The following KNOP1 variants were observed in gnomAD, a reference collection of about 807,000 sequenced individuals.
The protein encoded by KNOP1 is lysine-rich nucleolar protein 1.
A neutral mutation model predicts 30.6 loss-of-function variants in KNOP1; 20 were observed. The observed-to-expected ratio is 0.65, with a 90% CI of 0.46 to 0.95. The LOEUF is 0.95. Among genes scored for constraint, KNOP1 ranks in the 40% least tolerant of loss-of-function variants. The probability of loss-of-function intolerance (pLI) is 0.00; values close to 1 mark genes in which losing one functional copy is unlikely to be tolerated. For missense variants in KNOP1, 540 were observed against 562.0 expected, an observed-to-expected ratio of 0.96 and a Z score of 0.40; for synonymous variants, 204 against 210.0, an observed-to-expected ratio of 0.97 and a Z score of 0.25.
Position 19,711,546 on chromosome 16 carries a change from G to A in KNOP1, c.919-106C>T, listed in dbSNP as rs545602613. On this transcript the variant is annotated intron_variant, in intron 2 of 4. Coordinates refer to ENST00000219837, the MANE Select transcript of KNOP1 (RefSeq NM_001012991.3). ...ATGACAAAGTCCAGAAAAGACCTCAGACCACGGCATCACCCCCAGCCCTGC... is the reference window on the plus strand; with the variant it reads ...ATGACAAAGTCCAGAAAAGACCTCAAACCACGGCATCACCCCCAGCCCTGC... 8.6e-6 allele frequency: 9 copies of A among 1,042,564 alleles called. No individual in the cohort carries two copies. In the Admixed American group the frequency reaches 1.1e-4, roughly 12 times the overall value. The allele number at this position is 1,042,564 out of a possible 1,614,324, so 64.6% of individuals were successfully genotyped here.
chr16:19,710,380 C>T lies in KNOP1; in HGVS notation c.1065+129G>A, dbSNP rs1051835010. On this transcript the variant is annotated intron_variant, in intron 4 of 4. Coordinates refer to ENST00000219837, the MANE Select transcript of KNOP1 (RefSeq NM_001012991.3). ...ATTCTGCTGTGGAGGGAGCCTGCTG[C>T]AGGCTAGGGCTGCCTCTGGGGCCTG... 7.9e-6 allele frequency: 7 copies of T among 881,286 alleles called. No homozygotes were observed. The African/African-American group carries it at 1.1e-4, about 14-fold the overall frequency. The allele number at this position is 881,286 out of a possible 1,614,324, so 54.6% of individuals were successfully genotyped here. A position where few individuals can be genotyped will look rare whatever the true frequency, so the allele number is the denominator to read the frequency against.
At chr16:19,711,316 G>A (rs1474892451) in intron 3 of KNOP1, 56 bp downstream of exon 3, 7 of 1,561,908 alleles carry the variant, frequency 4.5e-6, no homozygotes, top group Non-Finnish European at 6.2e-6. Flanking sequence ...CAGCAAGTGA[G>A]ACTCCAAGGG....
At chr16:19,708,377 G>A (rs1976531095) in intron 4 of KNOP1, among the ~76,000 whole-genome samples, 1 of 152,124 alleles carries the variant, frequency 6.6e-6, no homozygotes. Flanking sequence ...CAAGAAGACT[G>A]TGACTCGGAA....
At chr16:19,708,846 T>C (rs533383791) in intron 4 of KNOP1, among the ~76,000 whole-genome samples, 21 of 152,206 alleles carry the variant, frequency 1.4e-4, no homozygotes, top group African/African-American at 5.1e-4. Context: ...ACATGGGTTT[T>C]GGGGAGAGCA....
In KNOP1 at chr16:19,714,640, G is replaced by C. The variant is rs766441939; in HGVS notation, c.396C>G (p.Ser132=). 3.1e-6 allele frequency: 5 copies of C among 1,614,066 alleles called. No individual in the cohort carries two copies. In the Admixed American group the frequency reaches 6.7e-5, roughly 22 times the overall value. ...CCTCCTCACCCTGTCTAGGGTCTGGGGAGGTTTTCACCCCAGAGGCATGGG... is the reference window on the plus strand; with the variant it reads ...CCTCCTCACCCTGTCTAGGGTCTGGCGAGGTTTTCACCCCAGAGGCATGGG... The part of the protein sequence containing the change: ...AMSHASGVKT[S]PDPRQGEEET... The change falls in exon 2 of 5, where the codon TCC becomes TCG. Residue 132 remains serine, a synonymous_variant. Coordinates refer to ENST00000219837, the MANE Select transcript of KNOP1 (RefSeq NM_001012991.3).
intron 3 of KNOP1, 148 bp from the exon 4 acceptor site, chr16:19,710,734 A>G (rs769751763): frequency 1.6e-4 from 111 of 675,912 alleles, no homozygotes; most frequent in Non-Finnish European, 2.7e-4. Context: ...AGCTGCTATC[A>G]TAAGTATTCT....
At chr16:19,717,859 G>A in intron 1 of KNOP1, 3 of 1,052,718 alleles carry the variant, frequency 2.8e-6, no homozygotes, top group Non-Finnish European at 3.4e-6. Flanking sequence ...CCCCCGGCAG[G>A]ATCACCAGCA....
rs767894674 is a variant in KNOP1 at position 19,714,643 on chromosome 16, G to A, written c.393C>T (p.Thr131=). The A allele has an allele frequency of 2.0e-5, 33 of 1,613,970 alleles. No homozygotes were observed. The Admixed American group carries it at 3.2e-4, about 15-fold the overall frequency. ...LAMSHASGVK[T]SPDPRQGEEE... Reference sequence around the variant, plus strand: ...CCTCACCCTGTCTAGGGTCTGGGGAGGTTTTCACCCCAGAGGCATGGGACA... The same window carrying A: ...CCTCACCCTGTCTAGGGTCTGGGGAAGTTTTCACCCCAGAGGCATGGGACA... The change falls in exon 2 of 5, where the codon ACC becomes ACT. Residue 131 remains threonine, a synonymous_variant. Coordinates refer to ENST00000219837, the MANE Select transcript of KNOP1 (RefSeq NM_001012991.3).
In KNOP1 at chr16:19,706,635, C is replaced by T; in HGVS notation, c.*275G>A. On this transcript the variant is annotated 3_prime_UTR_variant, in exon 5 of 5. Transcript: ENST00000219837. ...AAATATGAGCTGCCCTGCCCCAGTTCATCCAAGCCCATCAATATAGTTGTC... is the reference window on the plus strand; with the variant it reads ...AAATATGAGCTGCCCTGCCCCAGTTTATCCAAGCCCATCAATATAGTTGTC... 2 of 402,966 alleles carry T rather than the reference C, an allele frequency of 5.0e-6. No individual in the cohort carries two copies. Among genetic ancestry groups the T allele is most frequent in the South Asian group, 5.7e-5 (2 of 35,344 alleles). The allele number at this position is 402,966 out of a possible 1,614,324, so 25.0% of individuals were successfully genotyped here. A position where few individuals can be genotyped will look rare whatever the true frequency, so the allele number is the denominator to read the frequency against.
At chr16:19,716,143 G>A (rs1250988136) in intron 1 of KNOP1, among the ~76,000 whole-genome samples, 1 of 152,144 alleles carries the variant, frequency 6.6e-6, no homozygotes, top group Non-Finnish European at 1.5e-5. Flanking sequence ...GAGAGTCAAG[G>A]GAATAACTAT....
At chr16:19,713,454 C>T (rs1363872029) in intron 2 of KNOP1, among the ~76,000 whole-genome samples, 3 of 152,140 alleles carry the variant, frequency 2.0e-5, no homozygotes, top group Admixed American at 2.0e-4. Flanking sequence ...GCGATAGTGG[C>T]CCTGAGACTT....
intron 4 of KNOP1, among the ~76,000 whole-genome samples, chr16:19,709,703 CT>C (rs869232742): frequency 3.7e-5 from 5 of 135,086 alleles, no homozygotes; most frequent in South Asian, 2.1e-4. Context: ...GCTCTTCCCC[CT>C]GTCTCCTGAG....
chr16:19,707,278 C>A, intron 4 of KNOP1, 57 bp from the exon 5 acceptor site: 1 of 1,468,326 alleles, frequency 6.8e-7, no homozygotes, highest in African/African-American at 1.4e-5. Context: ...CTTTCCTTCC[C>A]TTGACCCCCA....
chr16:19,709,082 C>T (rs547242341), intron 4 of KNOP1, among the ~76,000 whole-genome samples: 3 of 152,220 alleles, frequency 2.0e-5, no homozygotes, highest in South Asian at 2.1e-4. Flanking sequence ...CCCATCAGCT[C>T]GGCTCAGCTC....
rs576761023 is a variant in KNOP1 at position 19,716,975 on chromosome 16, C to T, written c.-3+1183G>A. ...TTCACGCCTCAGCCTCCCGAGTAGC[C>T]GGGATTACAGGCACATACCACCACG... On this transcript the variant is annotated intron_variant, in intron 1 of 4. Coordinates refer to ENST00000219837, the MANE Select transcript of KNOP1 (RefSeq NM_001012991.3). Among the ~76,000 whole-genome samples, 16 of 152,124 alleles carry T rather than the reference C, an allele frequency of 1.1e-4. No homozygotes were observed. The East Asian group carries it at 2.3e-3, about 22-fold the overall frequency.
At chr16:19,716,136 A>G (rs1227998589) in intron 1 of KNOP1, among the ~76,000 whole-genome samples, 1 of 152,108 alleles carries the variant, frequency 6.6e-6, no homozygotes, top group Non-Finnish European at 1.5e-5. Context: ...GCACCTGGAG[A>G]GTCAAGGGAA....
Position 19,702,800 on chromosome 16 carries a change from G to C in KNOP1, c.*4110C>G, listed in dbSNP as rs1253192071. On this transcript the variant is annotated 3_prime_UTR_variant, in exon 5 of 5. Transcript: ENST00000219837. ...GAGGCCAAGAGATCAAGACCATCCT[G>C]GCCAACATGGTGAAACTCCATCTCT... is the stretch of plus-strand genomic sequence containing the variant. 1 of 152,058 alleles carries C rather than the reference G, an allele frequency of 6.6e-6. No homozygotes were observed. The highest frequency in any genetic ancestry group is 1.5e-5 in the Non-Finnish European group (1 of 68,080). 9.4% of individuals were successfully genotyped at this position (152,058 alleles called of 1,614,324 possible).
chr16:19,703,102 G>A lies in KNOP1; in HGVS notation c.*3808C>T, dbSNP rs766050574. ...TTTAACAAATTGCCACAATTGTAGC[G>A]GCTTAAAACATAATGTTGTCATCTG... On this transcript the variant is annotated 3_prime_UTR_variant, in exon 5 of 5. Coordinates refer to ENST00000219837, the MANE Select transcript of KNOP1 (RefSeq NM_001012991.3). The A allele has an allele frequency of 3.9e-5, 6 of 152,076 alleles. No individual in the cohort carries two copies. The highest frequency in any genetic ancestry group is 1.9e-4 in the East Asian group (1 of 5,188). The allele number at this position is 152,076 out of a possible 1,614,324, so 9.4% of individuals were successfully genotyped here. A position where few individuals can be genotyped will look rare whatever the true frequency, so the allele number is the denominator to read the frequency against.
Position 19,718,185 on chromosome 16 carries a change from G to T in KNOP1, c.-30C>A. ...GTGGGCGAAATTTCCCCGCCTCCAC[G>T]TGAGAGCCAGCTCCGCCGTGACCCG... On this transcript the variant is annotated 5_prime_UTR_variant, in exon 1 of 5. Coordinates refer to ENST00000219837, the MANE Select transcript of KNOP1 (RefSeq NM_001012991.3). 1.5e-5 allele frequency: 22 copies of T among 1,494,502 alleles called. No homozygotes were observed. The highest frequency in any genetic ancestry group is 2.0e-5 in the Non-Finnish European group (22 of 1,126,500). The allele number at this position is 1,494,502 out of a possible 1,614,324, so 92.6% of individuals were successfully genotyped here.
Sources: allele counts gnomAD v4.1 joint callset (sites outside exome capture counted in the v4.1 genomes callset), GRCh38; gene constraint gnomAD v4.1.1; transcripts MANE v1.5; gene names NCBI Gene and HGNC (gene_info 2026-07-23, HGNC 2026-07-21).